TGM7: variants seen among roughly 807,000 people sequenced by gnomAD.
TGM7 encodes the protein transglutaminase 7.
In TGM7, 74 loss-of-function variants were observed where a neutral mutation model predicts 79.5. The observed-to-expected ratio is 0.93, with a 90% CI of 0.77 to 1.13. The LOEUF (loss-of-function observed/expected upper bound fraction) is 1.13, where lower values mean the gene tolerates loss of function less well. Among genes scored for constraint, TGM7 ranks in the 50% most tolerant of loss-of-function variants. The probability of loss-of-function intolerance (pLI) is 0.00; values close to 1 mark genes in which losing one functional copy is unlikely to be tolerated. For synonymous variants in TGM7, 354 were observed against 362.5 expected (o/e 0.98, Z 0.27); for missense variants, 912 against 905.9 (o/e 1.01, Z -0.09).
Position 43,281,856 on chromosome 15 carries a change from T to C in TGM7, c.1339A>G (p.Lys447Glu), listed in dbSNP as rs770963222. Residue 447 changes from lysine (K) to glutamate (E), a missense_variant, in exon 9 of 13, where the codon AAG becomes GAG. By Grantham distance (56) the Lys-to-Glu change is moderately conservative. Coordinates refer to ENST00000452443, the MANE Select transcript of TGM7 (RefSeq NM_052955.3). ...DQRQSITSSY[K>E]YPEGSPEERA... is the part of the protein sequence containing the mutation. ...ACCCGCCCAGCACCTTCTGGGTACT[T>C]GTAGGAGCTGGTGATGCTCTGGCGC... 3 of 1,613,968 alleles carry C rather than the reference T, an allele frequency of 1.9e-6. No individual in the cohort carries two copies. The African/African-American group carries it at 4.0e-5, about 22-fold the overall frequency.
At chr15:43,280,265 C>G (rs890372398) in intron 9 of TGM7, among the ~76,000 whole-genome samples, 1 of 152,154 alleles carries the variant, frequency 6.6e-6, no homozygotes, top group African/African-American at 2.4e-5. Context: ...TCATCATCAT[C>G]ATGAAGCCAG....
Position 43,292,013 on chromosome 15 carries a change from C to A in TGM7, c.524G>T (p.Arg175Ile), listed in dbSNP as rs1202830515. 2 of 1,613,858 alleles carry A rather than the reference C, an allele frequency of 1.2e-6. No individual in the cohort carries two copies. The highest frequency in any genetic ancestry group is 1.1e-5 in the South Asian group (1 of 91,088). The stretch of plus-strand genomic sequence containing the variant: ...GTTCCAGGGCCAGGAGGTGATGAAT[C>A]TTTCATGACCCTTGTAAACAAAGCC... ...DYGFVYKGHE[R>I]FITSWPWNYG... Residue 175 changes from arginine (R) to isoleucine (I), a missense_variant, in exon 4 of 13, where the codon AGA (arginine) becomes ATA (isoleucine). Physicochemically the swap from Arg to Ile is moderately conservative, Grantham distance 97. Coordinates refer to ENST00000452443, the MANE Select transcript of TGM7 (RefSeq NM_052955.3).
chr15:43,292,193 C>T lies in TGM7; in HGVS notation c.440-96G>A. Reference sequence around the variant, plus strand: ...GTAACGACAACGTGTTTCTGGAAAACAGGAGGAACAGTCGATGGGTTGATA... The same window carrying T: ...GTAACGACAACGTGTTTCTGGAAAATAGGAGGAACAGTCGATGGGTTGATA... On this transcript the variant is annotated intron_variant, in intron 3 of 12. Coordinates refer to ENST00000452443, the MANE Select transcript of TGM7 (RefSeq NM_052955.3). 4 of 809,420 alleles carry T rather than the reference C, an allele frequency of 4.9e-6. No individual in the cohort carries two copies. The South Asian group carries it at 6.1e-5, about 12-fold the overall frequency. The allele number at this position is 809,420 out of a possible 1,614,324, so 50.1% of individuals were successfully genotyped here. A position where few individuals can be genotyped will look rare whatever the true frequency, so the allele number is the denominator to read the frequency against.
Position 43,282,069 on chromosome 15 carries a change from G to A in TGM7, c.1126C>T (p.Pro376Ser). ...QTSSGLFCCG[P>S]ASVKAIREGD... ...TCCCTGATGGCCTTCACAGAGGCAG[G>A]GCCACAGCAGAACAGCCCTGTGGAG... Residue 376 changes from proline to serine, a missense_variant, in exon 9 of 13, where the codon CCT (proline) becomes TCT (serine). Physicochemically the swap from Pro to Ser is moderately conservative, Grantham distance 74. Coordinates refer to ENST00000452443, the MANE Select transcript of TGM7 (RefSeq NM_052955.3). 1 of 1,614,118 alleles carries A rather than the reference G, an allele frequency of 6.2e-7. No individual in the cohort carries two copies. Among genetic ancestry groups the A allele is most frequent in the Non-Finnish European group, 8.5e-7 (1 of 1,180,002 alleles).
chr15:43,278,729 C>T (rs1190542159), intron 11 of TGM7, among the ~76,000 whole-genome samples: 1 of 152,242 alleles, frequency 6.6e-6, no homozygotes, highest in Non-Finnish European at 1.5e-5. Context: ...ACTGGGATTA[C>T]AGGCATGAGC....
intron 1 of TGM7, chr15:43,301,975 A>G (rs2043027532): frequency 3.8e-6 from 2 of 531,508 alleles, no homozygotes; most frequent in Non-Finnish European, 6.8e-6. Flanking sequence ...GGGGCTCCTC[A>G]GACTTCCCAA....
chr15:43,292,138 C>T, intron 3 of TGM7, 41 bp from the exon 4 acceptor site: 1 of 1,358,936 alleles, frequency 7.4e-7, no homozygotes, highest in South Asian at 1.2e-5. Flanking sequence ...AACCCCAAAC[C>T]AAAAAAACAG....
At chr15:43,276,773 G>A in intron 12 of TGM7, 89 bp downstream of exon 12, 1 of 1,561,960 alleles carries the variant, frequency 6.4e-7, no homozygotes. Flanking sequence ...GAGAGGCACT[G>A]CACAGGAGAC....
At chr15:43,282,362 G>GAGTT (rs1359007647) in intron 8 of TGM7, among the ~76,000 whole-genome samples, 155 bp downstream of exon 8, 8 of 152,212 alleles carry the variant, frequency 5.3e-5, no homozygotes, top group African/African-American at 1.9e-4. Context: ...GTCAATGGTA[G>GAGTT]AGTTAGATTC....
intron 3 of TGM7, 25 bp from the exon 4 acceptor site, chr15:43,292,122 G>A: frequency 6.5e-7 from 1 of 1,549,518 alleles, no homozygotes; most frequent in Non-Finnish European, 8.9e-7. Context: ...GTAGTGGAGG[G>A]GGCAAAACCC....
chr15:43,279,954 G>T lies in TGM7; in HGVS notation c.1352-3C>A, dbSNP rs370370157. ...GACAGCTCTCTCCTCAGGGGATCCT[G>T]CAGAAGGGAGAGGTAGGAGAGACAT... On this transcript the variant is annotated splice_polypyrimidine_tract_variant and splice_region_variant and intron_variant, in intron 9 of 12. Coordinates refer to ENST00000452443, the MANE Select transcript of TGM7 (RefSeq NM_052955.3). 1.2e-5 allele frequency: 19 copies of T among 1,612,452 alleles called. No individual in the cohort carries two copies. The highest frequency in any genetic ancestry group is 1.6e-5 in the Non-Finnish European group (19 of 1,178,966).
intron 11 of TGM7, among the ~76,000 whole-genome samples, chr15:43,277,770 A>G (rs1413245461): frequency 6.6e-6 from 1 of 152,224 alleles, no homozygotes; most frequent in Non-Finnish European, 1.5e-5. Flanking sequence ...CCCAGATCGT[A>G]CTAGGGGCTT....
chr15:43,284,773 C>G, intron 7 of TGM7, 41 bp downstream of exon 7: 1 of 1,607,092 alleles, frequency 6.2e-7, no homozygotes, highest in African/African-American at 1.3e-5. Context: ...TCTGCCCTCC[C>G]TGGGACAAAG....
In TGM7 at chr15:43,284,937, CCTAAG is replaced by C; in HGVS notation, c.876_880del (p.Cys292TrpfsTer18). On this transcript the variant is annotated frameshift_variant, in exon 7 of 13. Coordinates refer to ENST00000452443, the MANE Select transcript of TGM7 (RefSeq NM_052955.3). LOFTEE classifies it high-confidence loss of function. The stretch of plus-strand genomic sequence containing the variant: ...ATTGGAAACAACACGGGTTGGAACA[CCTAAG>C]CATCTCATTACTAAAGAGAAAAATA... The C allele has an allele frequency of 1.4e-5, 22 of 1,614,150 alleles. No homozygotes were observed. Among genetic ancestry groups the C allele is most frequent in the Non-Finnish European group, 1.7e-5 (20 of 1,180,016 alleles).
intron 1 of TGM7, 41 bp from the exon 2 acceptor site, chr15:43,293,672 C>T: frequency 6.7e-7 from 1 of 1,500,970 alleles, no homozygotes; most frequent in Non-Finnish European, 8.9e-7. Context: ...ACCTGCAGTC[C>T]CCTGGGCTCA....
chr15:43,300,825 A>G (rs1199253699), intron 1 of TGM7, among the ~76,000 whole-genome samples: 3 of 152,194 alleles, frequency 2.0e-5, no homozygotes, highest in African/African-American at 7.2e-5. Context: ...GTGTATATAT[A>G]TAACTGTTTT....
chr15:43,281,724 A>C, intron 9 of TGM7, 120 bp downstream of exon 9: 72 of 1,466,606 alleles, frequency 4.9e-5, no homozygotes, highest in South Asian at 6.5e-5. Flanking sequence ...AAGGACCCCT[A>C]GGAGTTTGCC....
Position 43,287,625 on chromosome 15 carries a change from CTTGT to C in TGM7, c.599_602del (p.Asn200ArgfsTer6). ...CCGGGTTCTTTAAGTGATACAGGCT[CTTGT>C]TCAGGATCTCAAAGCAGATGTCTAT... On this transcript the variant is annotated frameshift_variant, in exon 5 of 13. Transcript: ENST00000452443. LOFTEE classifies it high-confidence loss of function. The C allele has an allele frequency of 6.2e-7, 1 of 1,614,122 alleles. No individual in the cohort carries two copies. Among genetic ancestry groups the C allele is most frequent in the Admixed American group, 1.7e-5 (1 of 60,006 alleles).
intron 1 of TGM7, among the ~76,000 whole-genome samples, chr15:43,299,957 C>A (rs2043018056): frequency 6.6e-6 from 1 of 152,152 alleles, no homozygotes; most frequent in South Asian, 2.1e-4. Context: ...ATTCCAAGCC[C>A]TTCACAATGT....
Sources: gnomAD v4.1 joint callset for allele counts (sites outside exome capture counted in the v4.1 genomes callset) on GRCh38, gnomAD v4.1.1 for gene constraint, MANE v1.5 for transcripts, NCBI Gene and HGNC (gene_info 2026-07-23, HGNC 2026-07-21) for gene names.